Variants in RP1 observed in about 807,000 individuals in gnomAD.
The protein encoded by RP1 is RP1 axonemal microtubule associated.
A neutral mutation model predicts 14.8 loss-of-function variants in RP1; 16 were observed. The ratio of observed to expected loss-of-function variants is 1.08; its 90% CI spans 0.73 to 1.65. RP1 has a LOEUF of 1.65. Ranked by LOEUF, RP1 falls within the 40% of genes most tolerant of loss-of-function variation. The pLI is 0.00. For missense variants in RP1, 2,631 were observed against 2,535.0 expected (o/e 1.04, Z -0.81); for synonymous variants, 876 against 883.6 (o/e 0.99, Z 0.15).
chr8:54,687,299 C>G (rs904719968), intron 12 of RP1, among the ~76,000 whole-genome samples: 3 of 152,028 alleles, frequency 2.0e-5, no homozygotes, highest in Admixed American at 1.3e-4. Context: ...TCTGCATAAT[C>G]CTATTTTTTT....
At chr8:54,692,114 A>G (rs993076602) in intron 12 of RP1, among the ~76,000 whole-genome samples, 2 of 151,276 alleles carry the variant, frequency 1.3e-5, no homozygotes, top group Non-Finnish European at 2.9e-5. Flanking sequence ...ATGATTTCCA[A>G]TTTCATCCAT....
chr8:54,824,974 A>G (rs1187887474), intron 24 of RP1, among the ~76,000 whole-genome samples: 1 of 148,408 alleles, frequency 6.7e-6, no homozygotes, highest in Non-Finnish European at 1.5e-5. Flanking sequence ...TTTTTTTTTA[A>G]TTTATTTATG....
chr8:54,781,484 T>C (rs1283891337), intron 23 of RP1, among the ~76,000 whole-genome samples: 1 of 152,182 alleles, frequency 6.6e-6, no homozygotes, highest in African/African-American at 2.4e-5. Context: ...AAAAAAGTTT[T>C]GCAATAGAAA....
intron 28 of RP1, chr8:54,869,804 C>G: frequency 4.7e-6 from 4 of 846,418 alleles, no homozygotes; most frequent in Non-Finnish European, 6.3e-6. Context: ...CCTTTCAATG[C>G]TCTCTCATAT....
chr8:54,610,846 C>CT (rs1434683573), intron 1 of RP1, among the ~76,000 whole-genome samples: 2 of 152,140 alleles, frequency 1.3e-5, no homozygotes, highest in Non-Finnish European at 2.9e-5. Flanking sequence ...ACCTGAATTT[C>CT]TTTTTTTACA....
Position 54,628,814 on chromosome 8 carries a change from A to G in RP1, c.4932A>G (p.Pro1644=), listed in dbSNP as rs111445591. ...KLYGKADIIK[P]SFFPGSTRKS... is the part of the protein sequence containing the mutation. ...ACGGTAAAGCAGATATTATCAAACC[A>G]TCTTTTTTTCCTGGGTCTACCCGCA... The change falls in exon 4 of 4, where the codon CCA becomes CCG. Residue 1644 remains proline (P), a synonymous_variant. Transcript: ENST00000220676. 1.6e-5 allele frequency: 26 copies of G among 1,614,106 alleles called. No individual in the cohort carries two copies. The African/African-American group carries it at 2.8e-4, about 17-fold the overall frequency.
chr8:54,580,943 G>A (rs1219361422), intron 1 of RP1, among the ~76,000 whole-genome samples: 1 of 152,054 alleles, frequency 6.6e-6, no homozygotes, highest in Admixed American at 6.6e-5. Context: ...AAGCCTTTGG[G>A]ATAGTTTGTA....
intron 1 of RP1, among the ~76,000 whole-genome samples, chr8:54,595,350 T>C (rs1318484453): frequency 6.6e-6 from 1 of 152,056 alleles, no homozygotes; most frequent in Non-Finnish European, 1.5e-5. Context: ...AGGATGGTCT[T>C]GATCTCCTGA....
intron 24 of RP1, among the ~76,000 whole-genome samples, chr8:54,788,168 G>A (rs999926981): frequency 6.6e-6 from 1 of 152,178 alleles, no homozygotes; most frequent in Non-Finnish European, 1.5e-5. Context: ...CTGGTGGGTG[G>A]CTATTTCTGG....
chr8:54,693,799 A>T (rs2129340505), intron 12 of RP1, among the ~76,000 whole-genome samples: 1 of 152,278 alleles, frequency 6.6e-6, no homozygotes. Context: ...TCCTAATTGA[A>T]TACCCTTTAT....
downstream of RP1, among the ~76,000 whole-genome samples, chr8:54,633,218 A>G (rs1806282618): frequency 1.3e-5 from 2 of 152,110 alleles, no homozygotes; most frequent in South Asian, 4.1e-4. Flanking sequence ...ATTTAGTAGC[A>G]AGGAGCAGAA....
At chr8:54,635,643 A>T (rs1446883373), downstream of RP1, among the ~76,000 whole-genome samples, 1 of 152,070 alleles carries the variant, frequency 6.6e-6, no homozygotes, top group Non-Finnish European at 1.5e-5. Context: ...CTACTTTGTC[A>T]CCTTTGGCTT....
chr8:54,626,444 T>A lies in RP1; in HGVS notation c.2562T>A (p.Ser854Arg). ...SGYLRGMAKK[S>R]LVSKVTDSHI... ...ATTTGAGAGGAATGGCAAAGAAGAGTTTAGTTTCAAAAGTTACTGATTCAC... is the reference window on the plus strand; with the variant it reads ...ATTTGAGAGGAATGGCAAAGAAGAGATTAGTTTCAAAAGTTACTGATTCAC... The change falls in exon 4 of 4, where the codon AGT becomes AGA. Residue 854 changes from serine (S) to arginine (R), a missense_variant. Coordinates refer to ENST00000220676, the MANE Select transcript of RP1 (RefSeq NM_006269.2). 3.1e-6 allele frequency: 5 copies of A among 1,613,150 alleles called. No individual in the cohort carries two copies. Among genetic ancestry groups the A allele is most frequent in the Non-Finnish European group, 4.2e-6 (5 of 1,179,798 alleles).
chr8:54,834,992 C>G (rs933868454), intron 24 of RP1, among the ~76,000 whole-genome samples: 1 of 152,078 alleles, frequency 6.6e-6, no homozygotes, highest in Admixed American at 6.5e-5. Flanking sequence ...AAATTTGCTC[C>G]TAGAACTTAA....
At position 54,766,476 on chromosome 8, in the gene RP1, C is replaced by T. The variant is rs539005854; in HGVS notation, c.3249-3265C>T. Reference sequence around the variant, plus strand: ...TGTCAGTTTACGCCATTCCTTGGTGCGAAAGTGACAAGTAGTGATGGTGGG... The same window carrying T: ...TGTCAGTTTACGCCATTCCTTGGTGTGAAAGTGACAAGTAGTGATGGTGGG... On this transcript the variant is annotated intron_variant, in intron 22 of 22. Coordinates refer to the RP1 transcript ENST00000636932. Among the ~76,000 whole-genome samples the T allele has an allele frequency of 1.3e-3, 194 of 151,908 alleles. 1 individual carries two copies. Among genetic ancestry groups the T allele is most frequent in the Non-Finnish European group, 2.1e-3 (143 of 67,980 alleles).
At chr8:54,779,227 T>C (rs1343742665) in intron 23 of RP1, among the ~76,000 whole-genome samples, 2 of 152,184 alleles carry the variant, frequency 1.3e-5, no homozygotes, top group African/African-American at 4.8e-5. Context: ...GCTGGGTTTT[T>C]TCGCTTTCAC....
intron 1 of RP1, among the ~76,000 whole-genome samples, chr8:54,601,219 T>C (rs1805276332): frequency 6.6e-6 from 1 of 152,116 alleles, no homozygotes. Context: ...AAATTAAGCT[T>C]TGAAATCCTA....
chr8:54,667,125 T>C (rs992310517), intron 7 of RP1, among the ~76,000 whole-genome samples: 5 of 152,002 alleles, frequency 3.3e-5, no homozygotes, highest in Non-Finnish European at 7.4e-5. Flanking sequence ...TTTACTTTCA[T>C]TTTTCTATTT....
chr8:54,588,515 G>T (rs149336552), intron 1 of RP1, among the ~76,000 whole-genome samples: 3 of 152,352 alleles, frequency 2.0e-5, no homozygotes, highest in Non-Finnish European at 4.4e-5. Flanking sequence ...CCAGGAAGGA[G>T]CTGGCACACA....
Sources: gnomAD v4.1 joint callset for allele counts (sites outside exome capture counted in the v4.1 genomes callset) on GRCh38, gnomAD v4.1.1 for gene constraint, MANE v1.5 for transcripts, NCBI Gene and HGNC (gene_info 2026-07-23, HGNC 2026-07-21) for gene names.